LONRF2: variants seen among roughly 807,000 people sequenced by gnomAD.
LONRF2 encodes the protein LON peptidase N-terminal domain and RING finger protein 2.
Under a neutral mutation model 66.6 loss-of-function variants are expected in LONRF2, and 35 were observed. The observed-to-expected ratio is 0.53, with a 90% CI of 0.40 to 0.70. The LOEUF (loss-of-function observed/expected upper bound fraction) is 0.70. Among genes scored for constraint, LONRF2 ranks in the 30% least tolerant of loss-of-function variants. The pLI is 0.00. For missense variants in LONRF2, 902 were observed against 1,002.1 expected (o/e 0.90, Z 1.35); for synonymous variants, 417 against 418.1 (o/e 1.00, Z 0.03).
In LONRF2 at chr2:100,281,041, T is replaced by G. The variant is rs935015158; in HGVS notation, c.*3257A>C. On this transcript the variant is annotated 3_prime_UTR_variant, in exon 12 of 12. Transcript: ENST00000393437. ...ACAAGAAGGAGAAGAAACAGATGGG[T>G]ATTTTTTTAAAGCCCTTAAAAATTA... 2 of 152,168 alleles carry G rather than the reference T, an allele frequency of 1.3e-5. No individual in the cohort carries two copies. The highest frequency in any genetic ancestry group is 2.4e-5 in the African/African-American group (1 of 41,436). The allele number at this position is 152,168 out of a possible 1,614,324, so 9.4% of individuals were successfully genotyped here. A position where few individuals can be genotyped will look rare whatever the true frequency, so the allele number is the denominator to read the frequency against.
In LONRF2 at chr2:100,301,692, C is replaced by T. The variant is rs145517413; in HGVS notation, c.922-905G>A. 1.0e-3 allele frequency among the ~76,000 whole-genome samples: 159 copies of T among 152,342 alleles called. 1 individual carries two copies. Among genetic ancestry groups the T allele is most frequent in the African/African-American group, 3.4e-3 (142 of 41,580 alleles). ...CAGGGGAAAACACCATGTCTGAAAA[C>T]GCTCCAGGTAGACAACAACCCAGAA... is the stretch of plus-strand genomic sequence containing the variant. On this transcript the variant is annotated intron_variant, in intron 3 of 11. Coordinates refer to ENST00000393437, the MANE Select transcript of LONRF2 (RefSeq NM_198461.4).
rs1281162531 is a variant in LONRF2, at chr2:100,299,720, T to C, written c.1264A>G (p.Lys422Glu). Residue 422 changes from lysine (K) to glutamate (E), a missense_variant, in exon 5 of 12, where the codon AAA becomes GAA. Transcript: ENST00000393437. ...CTGATGAAAACAGTTCACTGACCTT[T>C]CTTGGGAATTTTTCCAGGGGCGTTC... ...DLNAPGKIPK[K>E]DLSLQRSPNS... 6.2e-7 allele frequency: 1 copy of C among 1,613,948 alleles called. No homozygotes were observed. The highest frequency in any genetic ancestry group is 1.7e-5 in the Admixed American group (1 of 60,020).
In LONRF2 at chr2:100,275,281, G is replaced by A. The variant is rs1674575773; in HGVS notation, c.*9017C>T. 2 of 152,290 alleles carry A rather than the reference G, an allele frequency of 1.3e-5. No individual in the cohort carries two copies. The highest frequency in any genetic ancestry group is 4.1e-4 in the South Asian group (2 of 4,830). 9.4% of individuals were successfully genotyped at this position (152,290 alleles called of 1,614,324 possible). On this transcript the variant is annotated 3_prime_UTR_variant, in exon 12 of 12. Transcript: ENST00000393437. ...CTGGACATACCTACTTTCTTGGCTG[G>A]TGGTCTCAGGGCAATGACGGTAGCT...
chr2:100,319,357 C>A (rs1376042323), intron 1 of LONRF2, among the ~76,000 whole-genome samples: 1 of 152,050 alleles, frequency 6.6e-6, no homozygotes, highest in Non-Finnish European at 1.5e-5. Flanking sequence ...TAAATTAGGT[C>A]TAATATATAT....
intron 1 of LONRF2, among the ~76,000 whole-genome samples, chr2:100,311,950 T>C (rs1180450270): frequency 6.6e-6 from 1 of 152,196 alleles, no homozygotes; most frequent in African/African-American, 2.4e-5. Flanking sequence ...GAAATTTAAT[T>C]AGGATTTTGA....
Position 100,298,827 on chromosome 2 carries a change from T to C in LONRF2, c.1476+9A>G, listed in dbSNP as rs1178678388. ...GGAGCTGTCCCGTCATTTCCTAAAG[T>C]GTACTTACTTCCGAAAGTTTGTCTT... On this transcript the variant is annotated intron_variant, in intron 7 of 11. Coordinates refer to ENST00000393437, the MANE Select transcript of LONRF2 (RefSeq NM_198461.4). 5 of 1,602,766 alleles carry C rather than the reference T, an allele frequency of 3.1e-6. No individual in the cohort carries two copies. Among genetic ancestry groups the C allele is most frequent in the East Asian group, 2.2e-5 (1 of 44,826 alleles).
At chr2:100,318,031 T>C (rs575326789) in intron 1 of LONRF2, among the ~76,000 whole-genome samples, 2 of 152,200 alleles carry the variant, frequency 1.3e-5, no homozygotes, top group Non-Finnish European at 2.9e-5. Flanking sequence ...AAATTCTCAA[T>C]TACTTTTTTC....
At chr2:100,321,371 C>G (rs1489146190) in intron 1 of LONRF2, 44 bp downstream of exon 1, 10 of 1,365,754 alleles carry the variant, frequency 7.3e-6, no homozygotes, top group Non-Finnish European at 7.5e-6. Flanking sequence ...GCTGCTGGGC[C>G]GGACAGGTGT....
rs973649476 is a variant in LONRF2 at position 100,272,523 on chromosome 2, TAAAC to T, written c.*11771_*11774del. Among the ~76,000 whole-genome samples, 26 of 142,774 alleles carry T rather than the reference TAAAC, an allele frequency of 1.8e-4. No individual in the cohort carries two copies. Among genetic ancestry groups the T allele is most frequent in the African/African-American group, 7.8e-5 (3 of 38,462 alleles). 93.7% of individuals were successfully genotyped at this position (142,774 alleles called of 152,430 possible). On this transcript the variant is annotated 3_prime_UTR_variant, in exon 12 of 12. Transcript: ENST00000393437. ...CCCAAGAAGAAAATAAATAAATAAA[TAAAC>T]AAACAAACTAACCAGAGTATGTAGG...
intron 10 of LONRF2, among the ~76,000 whole-genome samples, chr2:100,289,772 C>G (rs1674920767): frequency 6.6e-6 from 1 of 152,026 alleles, no homozygotes; most frequent in Non-Finnish European, 1.5e-5. Context: ...TGTACCAGCT[C>G]CCAACTCAGG....
Position 100,322,351 on chromosome 2 carries a change from C to T in LONRF2, c.-258G>A, listed in dbSNP as rs1675658669. 2.3e-5 allele frequency: 7 copies of T among 304,268 alleles called. No homozygotes were observed. The East Asian group carries it at 3.9e-4, about 17-fold the overall frequency. 18.8% of individuals were successfully genotyped at this position (304,268 alleles called of 1,614,324 possible). On this transcript the variant is annotated 5_prime_UTR_variant, in exon 1 of 12. Transcript: ENST00000393437. ...GGGGTGGGGGCCGGGACAGGCACCG[C>T]GGGCGCAATCTGAGCCCCTGCCCAC... is the stretch of plus-strand genomic sequence containing the variant.
rs1053121923 is a variant in LONRF2, at chr2:100,283,919, C to T, written c.*379G>A. The T allele has an allele frequency of 1.5e-4, 24 of 161,484 alleles. No individual in the cohort carries two copies. Among genetic ancestry groups the T allele is most frequent in the Middle Eastern group, 3.1e-3 (1 of 324 alleles). The allele number at this position is 161,484 out of a possible 1,614,324, so 10.0% of individuals were successfully genotyped here. A position where few individuals can be genotyped will look rare whatever the true frequency, so the allele number is the denominator to read the frequency against. On this transcript the variant is annotated 3_prime_UTR_variant, in exon 12 of 12. Coordinates refer to ENST00000393437, the MANE Select transcript of LONRF2 (RefSeq NM_198461.4). Reference sequence around the variant, plus strand: ...CATATTGTCTACACACTAAAGCACGCCTTTACCATCTGGCAGAGCCAGATG... The same window carrying T: ...CATATTGTCTACACACTAAAGCACGTCTTTACCATCTGGCAGAGCCAGATG...
chr2:100,290,430 C>T lies in LONRF2; in HGVS notation c.1758-10G>A, dbSNP rs761796001. 1.6e-5 allele frequency: 26 copies of T among 1,597,178 alleles called. No individual in the cohort carries two copies. Among genetic ancestry groups the T allele is most frequent in the Non-Finnish European group, 2.1e-5 (25 of 1,172,724 alleles). ...TCCATACTCTGAAAGCCTGAAAAGA[C>T]AGTTAGGAGAAATGACTGTGATTTT... On this transcript the variant is annotated splice_polypyrimidine_tract_variant and intron_variant, in intron 9 of 11. Transcript: ENST00000393437.
At chr2:100,302,678 G>A (rs1399189835) in intron 3 of LONRF2, among the ~76,000 whole-genome samples, 1 of 152,154 alleles carries the variant, frequency 6.6e-6, no homozygotes, top group Non-Finnish European at 1.5e-5. Context: ...TATGTCAACA[G>A]AATCGAGGCA....
chr2:100,290,513 A>C, intron 9 of LONRF2, 93 bp from the exon 10 acceptor site: 1 of 1,299,312 alleles, frequency 7.7e-7, no homozygotes, highest in Non-Finnish European at 1.1e-6. Context: ...AAAGGAATAC[A>C]AAGCCACACA....
Position 100,290,305 on chromosome 2 carries a change from T to C in LONRF2, c.1873A>G (p.Arg625Gly). Reference protein sequence around the residue: ...SRFRVLSHRHRDGYNTADIEY... With the variant: ...SRFRVLSHRHGDGYNTADIEY... Reference sequence around the variant, plus strand: ...ATGTCCGCTGTGTTATAGCCATCTCTGTGGCGGTGGCTTAGCACTCGGAAC... The same window carrying C: ...ATGTCCGCTGTGTTATAGCCATCTCCGTGGCGGTGGCTTAGCACTCGGAAC... The change falls in exon 10 of 12, where the codon AGA (arginine) becomes GGA (glycine). Residue 625 changes from arginine (R) to glycine (G), a missense_variant. By Grantham distance (125) the Arg-to-Gly change is moderately radical (BLOSUM62 -2). Around this residue, in one of 2 missense-constraint regions of LONRF2, gnomAD observed 317 missense variants for 432.2 expected, o/e 0.73. Transcript: ENST00000393437. The C allele has an allele frequency of 6.2e-7, 1 of 1,614,226 alleles. No individual in the cohort carries two copies. Among genetic ancestry groups the C allele is most frequent in the Non-Finnish European group, 8.5e-7 (1 of 1,180,040 alleles).
In LONRF2 at chr2:100,287,859, CAG is replaced by C. The variant is rs1423117979; in HGVS notation, c.1921-798_1921-797del. Among the ~76,000 whole-genome samples the C allele has an allele frequency of 4.6e-5, 7 of 152,290 alleles. 1 individual carries two copies. Among genetic ancestry groups the C allele is most frequent in the African/African-American group, 1.7e-4 (7 of 41,566 alleles). ...AGCCAGTCTCACAGCCTCGTTAGGG[CAG>C]AGTTTTCTCATCTGCATAATAGGAA... On this transcript the variant is annotated intron_variant, in intron 10 of 11. Coordinates refer to ENST00000393437, the MANE Select transcript of LONRF2 (RefSeq NM_198461.4).
At chr2:100,291,955 C>T (rs137986826) in intron 9 of LONRF2, among the ~76,000 whole-genome samples, 3,241 of 152,266 alleles carry the variant, frequency 0.021, 352 homozygotes, top group Admixed American at 0.18. Flanking sequence ...GAGGAATTAA[C>T]TTCTCTAAGG....
intron 1 of LONRF2, among the ~76,000 whole-genome samples, chr2:100,316,039 G>C (rs1293170265): frequency 1.3e-5 from 2 of 152,004 alleles, no homozygotes; most frequent in African/African-American, 2.4e-5. Context: ...AAAATTTTCT[G>C]GCCGGGTGCG....
Sources: gnomAD v4.1 joint callset for allele counts (sites outside exome capture counted in the v4.1 genomes callset) on GRCh38, gnomAD v4.1.1 for gene constraint, gnomAD v4.1.1 regional missense constraint, MANE v1.5 for transcripts, NCBI Gene and HGNC (gene_info 2026-07-23, HGNC 2026-07-21) for gene names.